Variants in SPG11 observed in about 807,000 individuals in gnomAD.
SPG11 encodes spatacsin.
In SPG11, 222 loss-of-function variants were observed where a neutral mutation model predicts 274.0. That is an observed-to-expected ratio of 0.81 (90% CI 0.73 to 0.91). The LOEUF (loss-of-function observed/expected upper bound fraction) is 0.91, where lower values mean the gene tolerates loss of function less well. Ranked by LOEUF, SPG11 falls within the 40% of genes least tolerant of loss-of-function variation. The probability of loss-of-function intolerance (pLI) is 0.00; values close to 1 mark genes in which losing one functional copy is unlikely to be tolerated. For missense variants in SPG11, 3,114 were observed against 2,872.7 expected (o/e 1.08, Z -1.92); for synonymous variants, 1,144 against 1,039.7 (o/e 1.10, Z -1.93).
chr15:44,645,110 C>T (rs182271910), intron 7 of SPG11, among the ~76,000 whole-genome samples: 22 of 152,264 alleles, frequency 1.4e-4, no homozygotes, highest in Admixed American at 1.4e-3. Context: ...TCCTGAATAG[C>T]CAAAGCGATC....
chr15:44,569,593 G>C, intron 34 of SPG11, 88 bp from the exon 35 acceptor site: 1 of 987,260 alleles, frequency 1.0e-6, no homozygotes, highest in Non-Finnish European at 1.6e-6. Flanking sequence ...GTTGCTTTCA[G>C]ATGCCAAGCT....
rs569438112 is a variant in SPG11 at position 44,617,628 on chromosome 15, T to G, written c.2835-2062A>C. Among the ~76,000 whole-genome samples, 50 of 152,300 alleles carry G rather than the reference T, an allele frequency of 3.3e-4. No homozygotes were observed. In the South Asian group the frequency reaches 0.01, roughly 32 times the overall value. On this transcript the variant is annotated intron_variant, in intron 15 of 39. Coordinates refer to ENST00000261866, the MANE Select transcript of SPG11 (RefSeq NM_025137.4). Reference sequence around the variant, plus strand: ...TACAGCTTTAGAATAAGTTTTGATATCTGGTAGGGCAAGTTCTTTTTCAGG... The same window carrying G: ...TACAGCTTTAGAATAAGTTTTGATAGCTGGTAGGGCAAGTTCTTTTTCAGG...
intron 36 of SPG11, 44 bp downstream of exon 36, chr15:44,567,380 A>G: frequency 1.3e-6 from 2 of 1,569,810 alleles, no homozygotes; most frequent in Non-Finnish European, 1.7e-6. Flanking sequence ...AATTTTACCT[A>G]GCTAGCAGCA....
Position 44,569,388 on chromosome 15 carries a change from T to C in SPG11, c.6585+10A>G. ...ACACCCCATCCTGGAGCTCATTACT[T>C]TGCACCTACCGGATCCAACTTCTTC... On this transcript the variant is annotated intron_variant, in intron 35 of 39. Transcript: ENST00000261866. 6.3e-7 allele frequency: 1 copy of C among 1,580,282 alleles called. No individual in the cohort carries two copies.
At chr15:44,579,664 T>C (rs561654458) in intron 30 of SPG11, among the ~76,000 whole-genome samples, 1 of 151,780 alleles carries the variant, frequency 6.6e-6, no homozygotes, top group East Asian at 1.9e-4. Context: ...ATAATACAAA[T>C]GTTCCAATAA....
chr15:44,651,165 G>A (rs760813847), intron 6 of SPG11, among the ~76,000 whole-genome samples: 1 of 152,146 alleles, frequency 6.6e-6, no homozygotes, highest in Non-Finnish European at 1.5e-5. Flanking sequence ...AAATAAATAT[G>A]CAGTTCATAC....
At chr15:44,634,298 A>G (rs1197665891) in intron 7 of SPG11, among the ~76,000 whole-genome samples, 1 of 152,130 alleles carries the variant, frequency 6.6e-6, no homozygotes, top group Non-Finnish European at 1.5e-5. Context: ...AGTACAATAT[A>G]AAGTCCTACT....
intron 3 of SPG11, 109 bp downstream of exon 3, chr15:44,658,970 A>G (rs762229394): frequency 3.1e-5 from 30 of 982,706 alleles, no homozygotes; most frequent in African/African-American, 4.9e-5. Flanking sequence ...CTGAAAAACT[A>G]ACCACACTTC....
chr15:44,641,630 C>CAA (rs2084445265), intron 7 of SPG11, among the ~76,000 whole-genome samples: 1 of 149,224 alleles, frequency 6.7e-6, no homozygotes, highest in Non-Finnish European at 1.5e-5. Context: ...CACACACACA[C>CAA]ACAAAACCTT....
In SPG11 at chr15:44,604,200, A is replaced by T. The variant is rs375115761; in HGVS notation, c.3520+1825T>A. On this transcript the variant is annotated intron_variant, in intron 20 of 39. Transcript: ENST00000261866. ...CTTTTCACATTGTGACCTGATTCCT[A>T]AAAAAAAAAAAAAGGCTTGAAGACC... The T allele has an allele frequency of 5.9e-3, 843 of 142,538 alleles. 10 individuals carry two copies. Among genetic ancestry groups the T allele is most frequent in the African/African-American group, 0.023 (782 of 33,566 alleles). 8.8% of individuals were successfully genotyped at this position (142,538 alleles called of 1,614,324 possible).
intron 1 of SPG11, among the ~76,000 whole-genome samples, chr15:44,662,417 T>C (rs1024332228): frequency 6.6e-6 from 1 of 152,074 alleles, no homozygotes; most frequent in African/African-American, 2.4e-5. Flanking sequence ...ACACCTGTAA[T>C]CCCAACACTT....
chr15:44,608,437 A>AAG lies in SPG11; in HGVS notation c.3453+6_3453+7insCT. ...AGACCTAAATATTGGCCACCTAAAT[A>AAG]CTGTACCTGAATAAGGTGGTAGATT... is the stretch of plus-strand genomic sequence containing the variant. On this transcript the variant is annotated splice_region_variant and intron_variant, in intron 19 of 39. Transcript: ENST00000261866. 6.2e-7 allele frequency: 1 copy of AAG among 1,613,922 alleles called. No homozygotes were observed. The highest frequency in any genetic ancestry group is 1.1e-5 in the South Asian group (1 of 91,086).
At chr15:44,576,578 GGTGGAGCTTGCAGTGA>G (rs1193154029) in intron 30 of SPG11, among the ~76,000 whole-genome samples, 1 of 151,696 alleles carries the variant, frequency 6.6e-6, no homozygotes, top group East Asian at 2.0e-4. Flanking sequence ...GAACCCGGGA[GGTGGAGCTTGCAGTGA>G]GTGGAGATTG....
chr15:44,649,488 C>T (rs1215278563), intron 6 of SPG11, among the ~76,000 whole-genome samples: 1 of 152,164 alleles, frequency 6.6e-6, no homozygotes, highest in Admixed American at 6.6e-5. Flanking sequence ...CCACCTTGGC[C>T]TCCCAAATGT....
intron 2 of SPG11, 74 bp from the exon 3 acceptor site, chr15:44,659,377 C>T: frequency 1.5e-6 from 2 of 1,335,506 alleles, no homozygotes; most frequent in Admixed American, 3.7e-5. Context: ...TTTGATAAAC[C>T]TAATACAAAA....
In SPG11 at chr15:44,608,473, A is replaced by G; in HGVS notation, c.3424T>C (p.Ser1142Pro). ...ATAAGGTGGTAGATTGTAATATCAG[A>G]TGGCAGGACACTAGGAGGAGTGCAC... ...PQCTPPSVLPSDITIYHLIQS... is the reference protein window; with the variant it reads ...PQCTPPSVLPPDITIYHLIQS... Residue 1142 changes from serine (S) to proline (P), a missense_variant, in exon 19 of 40, where the codon TCT becomes CCT. By Grantham distance (74) the Ser-to-Pro change is moderately conservative. Transcript: ENST00000261866. 6.2e-7 allele frequency: 1 copy of G among 1,614,138 alleles called. No individual in the cohort carries two copies. The highest frequency in any genetic ancestry group is 1.6e-4 in the Middle Eastern group (1 of 6,062).
chr15:44,606,889 C>T (rs761488058), intron 19 of SPG11, among the ~76,000 whole-genome samples: 9 of 152,196 alleles, frequency 5.9e-5, no homozygotes, highest in Non-Finnish European at 1.2e-4. Flanking sequence ...ATCCAAACTA[C>T]TTTACGTAGT....
At chr15:44,575,954 C>T (rs1259397903) in intron 30 of SPG11, among the ~76,000 whole-genome samples, 1 of 151,536 alleles carries the variant, frequency 6.6e-6, no homozygotes, top group Admixed American at 6.6e-5. Context: ...ACCAGCCTGA[C>T]CAACATGGAG....
At chr15:44,622,700 T>C in intron 12 of SPG11, 28 bp downstream of exon 12, 1 of 1,544,058 alleles carries the variant, frequency 6.5e-7, no homozygotes, top group Non-Finnish European at 9.0e-7. Flanking sequence ...CTAGAAAATG[T>C]ATACTATGTA....
Sources: allele counts gnomAD v4.1 joint callset (sites outside exome capture counted in the v4.1 genomes callset), GRCh38; gene constraint gnomAD v4.1.1; transcripts MANE v1.5; gene names NCBI Gene and HGNC (gene_info 2026-07-23, HGNC 2026-07-21).